Variants in GRIA1 observed in about 807,000 individuals in gnomAD.
GRIA1 encodes glutamate receptor 1.
GRIA1 carries 31 observed loss-of-function variants against 99.2 expected under a neutral mutation model. The observed-to-expected ratio is 0.31, with a 90% CI of 0.23 to 0.42. GRIA1 has a LOEUF of 0.42. Ranked by LOEUF, GRIA1 falls within the 10% of genes least tolerant of loss-of-function variation. The pLI, the probability that GRIA1 is intolerant of heterozygous loss-of-function variation, is 1.00. For synonymous variants in GRIA1, 438 were observed against 432.4 expected (o/e 1.01, Z -0.16); for missense variants, 782 against 1,157.5 (o/e 0.68, Z 4.71).
At chr5:153,491,382 T>C (rs1215002006) in intron 1 of GRIA1, 1 of 784,426 alleles carries the variant, frequency 1.3e-6, no homozygotes, top group African/African-American at 1.9e-5. Context: ...ATATATTACA[T>C]ATGCACATAT....
intron 11 of GRIA1, among the ~76,000 whole-genome samples, chr5:153,763,789 CTTT>C (rs1202639101): frequency 6.6e-6 from 1 of 152,138 alleles, no homozygotes; most frequent in African/African-American, 2.4e-5. Flanking sequence ...TCATATTTGC[CTTT>C]TTTTATCTTT....
chr5:153,729,177 T>G (rs113634835), intron 11 of GRIA1, among the ~76,000 whole-genome samples: 31 of 146,210 alleles, frequency 2.1e-4, no homozygotes, highest in African/African-American at 7.4e-4. Flanking sequence ...AGGTGGGAAT[T>G]GAACAATGAG....
At chr5:153,524,354 G>T (rs1178832308) in intron 2 of GRIA1, among the ~76,000 whole-genome samples, 4 of 152,134 alleles carry the variant, frequency 2.6e-5, no homozygotes. Flanking sequence ...TTGGCACAGA[G>T]TCTAAACATC....
At chr5:153,677,520 A>T (rs529597199) in intron 7 of GRIA1, among the ~76,000 whole-genome samples, 1 of 152,230 alleles carries the variant, frequency 6.6e-6, no homozygotes, top group Admixed American at 6.5e-5. Context: ...GATTTTCTGG[A>T]TTTCTTCCTT....
intron 5 of GRIA1, among the ~76,000 whole-genome samples, chr5:153,659,048 A>G (rs1255721680): frequency 6.6e-6 from 1 of 152,118 alleles, no homozygotes. Flanking sequence ...CTGGCTCTGT[A>G]TTCTTGGACA....
chr5:153,723,705 T>C (rs1005461789), intron 11 of GRIA1, among the ~76,000 whole-genome samples: 2 of 151,854 alleles, frequency 1.3e-5, no homozygotes, highest in Admixed American at 1.3e-4. Context: ...GCCCCCGCCA[T>C]TGCCCAGGCT....
chr5:153,631,819 C>T (rs147055301), intron 2 of GRIA1, among the ~76,000 whole-genome samples: 170 of 151,970 alleles, frequency 1.1e-3, no homozygotes, highest in Non-Finnish European at 1.6e-3. Flanking sequence ...ATGTTGTGAC[C>T]GAGAACAGCA....
At chr5:153,747,834 T>C (rs1762259221) in intron 11 of GRIA1, among the ~76,000 whole-genome samples, 1 of 152,256 alleles carries the variant, frequency 6.6e-6, no homozygotes, top group African/African-American at 2.4e-5. Flanking sequence ...TGACCATCCA[T>C]GCTGTTCACT....
Position 153,490,825 on chromosome 5 carries a change from A to AG in GRIA1, c.-57dup, listed in dbSNP as rs1289920875. The stretch of plus-strand genomic sequence containing the variant: ...AGAACAGCGAGAAGAATAAAGGGAA[A>AG]GGGGGGGAAACACCAAATCTATGAT... On this transcript the variant is annotated 5_prime_UTR_variant, in exon 1 of 16. Coordinates refer to ENST00000285900, the MANE Select transcript of GRIA1 (RefSeq NM_000827.4). 67 of 1,155,816 alleles carry AG rather than the reference A, an allele frequency of 5.8e-5. No homozygotes were observed. The highest frequency in any genetic ancestry group is 1.1e-4 in the South Asian group (9 of 81,830). 71.6% of individuals were successfully genotyped at this position (1,155,816 alleles called of 1,614,324 possible). A position where few individuals can be genotyped will look rare whatever the true frequency, so the allele number is the denominator to read the frequency against.
At chr5:153,741,265 C>T (rs1038225863) in intron 11 of GRIA1, among the ~76,000 whole-genome samples, 1 of 152,124 alleles carries the variant, frequency 6.6e-6, no homozygotes, top group African/African-American at 2.4e-5. Context: ...TGAGCCACCG[C>T]TCCCGGCCAG....
At chr5:153,748,590 G>A (rs1762308915) in intron 11 of GRIA1, among the ~76,000 whole-genome samples, 1 of 152,192 alleles carries the variant, frequency 6.6e-6, no homozygotes, top group South Asian at 2.1e-4. Flanking sequence ...AACATGGATT[G>A]TATAAGAACA....
intron 11 of GRIA1, among the ~76,000 whole-genome samples, chr5:153,711,063 T>C (rs970873511): frequency 2.0e-5 from 3 of 152,218 alleles, no homozygotes; most frequent in African/African-American, 7.2e-5. Flanking sequence ...GACAAGTATG[T>C]CTGGCTTACA....
At chr5:153,646,111 A>G (rs1010491602) in intron 2 of GRIA1, among the ~76,000 whole-genome samples, 5 of 152,226 alleles carry the variant, frequency 3.3e-5, no homozygotes, top group African/African-American at 1.2e-4. Flanking sequence ...AATTAGAAGT[A>G]TAATCAACCA....
intron 2 of GRIA1, among the ~76,000 whole-genome samples, chr5:153,586,737 C>T (rs1389198447): frequency 6.6e-6 from 1 of 152,084 alleles, no homozygotes; most frequent in Non-Finnish European, 1.5e-5. Flanking sequence ...TTCCACCATG[C>T]CAAAGTTGCT....
intron 2 of GRIA1, among the ~76,000 whole-genome samples, chr5:153,565,187 CT>C (rs1413455189): frequency 3.9e-5 from 6 of 152,150 alleles, no homozygotes; most frequent in Non-Finnish European, 8.8e-5. Context: ...GGGAGTACTT[CT>C]ATGGCGGACT....
intron 8 of GRIA1, among the ~76,000 whole-genome samples, chr5:153,697,431 A>T (rs1312431506): frequency 6.6e-6 from 1 of 152,208 alleles, no homozygotes; most frequent in Non-Finnish European, 1.5e-5. Flanking sequence ...TAGTATAAAT[A>T]ACCTACTCAA....
At chr5:153,668,082 C>T (rs942097997) in intron 5 of GRIA1, among the ~76,000 whole-genome samples, 1 of 152,166 alleles carries the variant, frequency 6.6e-6, no homozygotes, top group Non-Finnish European at 1.5e-5. Context: ...GCCATATAAC[C>T]TTAAGCCACT....
chr5:153,536,613 A>G (rs1206458594), intron 2 of GRIA1, among the ~76,000 whole-genome samples: 1 of 152,226 alleles, frequency 6.6e-6, no homozygotes, highest in East Asian at 1.9e-4. Flanking sequence ...ATTAATTTGC[A>G]TTCCATTTCT....
intron 14 of GRIA1, among the ~76,000 whole-genome samples, chr5:153,799,667 G>A (rs1765875685): frequency 2.6e-5 from 4 of 152,156 alleles, no homozygotes; most frequent in Admixed American, 2.0e-4. Flanking sequence ...AGCTGTGTCA[G>A]CATAAACAGT....
Sources: gnomAD v4.1 joint callset for allele counts (sites outside exome capture counted in the v4.1 genomes callset) on GRCh38, gnomAD v4.1.1 for gene constraint, MANE v1.5 for transcripts, NCBI Gene and HGNC (gene_info 2026-07-23, HGNC 2026-07-21) for gene names.